DLGAP1: variants seen among roughly 807,000 people sequenced by gnomAD.
DLGAP1 encodes DLG associated protein 1, also known as disks large-associated protein 1.
In DLGAP1, 11 loss-of-function variants were observed where a neutral mutation model predicts 90.8. The ratio of observed to expected loss-of-function variants is 0.12; its 90% CI spans 0.08 to 0.20. The LOEUF (loss-of-function observed/expected upper bound fraction) is 0.20. Among genes scored for constraint, DLGAP1 ranks in the 10% least tolerant of loss-of-function variants. The pLI, the probability that DLGAP1 is intolerant of heterozygous loss-of-function variation, is 1.00. For missense variants in DLGAP1, 1,050 were observed against 1,333.8 expected, an observed-to-expected ratio of 0.79 and a Z score of 3.31; for synonymous variants, 558 against 540.7, an observed-to-expected ratio of 1.03 and a Z score of -0.44.
At chr18:4,232,119 T>C (rs1255527322) in intron 1 of DLGAP1, among the ~76,000 whole-genome samples, 4 of 152,162 alleles carry the variant, frequency 2.6e-5, no homozygotes, top group Admixed American at 6.6e-5. Context: ...TTTACACCTA[T>C]TAATTTTACA....
chr18:4,430,760 G>A (rs1050528619), intron 1 of DLGAP1: 1 of 152,138 alleles, frequency 6.6e-6, no homozygotes, highest in Non-Finnish European at 1.5e-5. Context: ...TGGGGTGAAT[G>A]TAATCCCTGT....
intron 1 of DLGAP1, among the ~76,000 whole-genome samples, chr18:4,238,109 G>C (rs2078457055): frequency 6.6e-6 from 1 of 152,092 alleles, no homozygotes; most frequent in Non-Finnish European, 1.5e-5. Flanking sequence ...CATTTTAGAT[G>C]TCAGATTTTT....
At chr18:4,083,539 T>A (rs2075641857) in intron 2 of DLGAP1, among the ~76,000 whole-genome samples, 1 of 152,196 alleles carries the variant, frequency 6.6e-6, no homozygotes, top group Admixed American at 6.5e-5. Flanking sequence ...CTAATTGGAA[T>A]CATAGTGAAG....
intron 2 of DLGAP1, among the ~76,000 whole-genome samples, chr18:4,103,597 A>C (rs905738534): frequency 6.6e-6 from 1 of 152,138 alleles, no homozygotes; most frequent in Admixed American, 6.5e-5. Context: ...ACACGTTTTG[A>C]ATTAACTGTA....
chr18:4,331,563 C>T (rs1325563397), intron 1 of DLGAP1, among the ~76,000 whole-genome samples: 1 of 151,736 alleles, frequency 6.6e-6, no homozygotes, highest in African/African-American at 2.4e-5. Context: ...AAATACATGG[C>T]ATTATGACCC....
intron 3 of DLGAP1, among the ~76,000 whole-genome samples, chr18:3,997,988 C>T (rs2149066817): frequency 6.6e-6 from 1 of 152,108 alleles, no homozygotes; most frequent in East Asian, 1.9e-4. Context: ...CATCATCAGA[C>T]TGAGGTTCAA....
intron 9 of DLGAP1, among the ~76,000 whole-genome samples, chr18:3,551,726 T>A (rs55873716): frequency 9.3e-4 from 5 of 5,382 alleles, no homozygotes; most frequent in African/African-American, 3.4e-3. Context: ...CTCCCTCCCT[T>A]CCTTCCTTCC....
chr18:4,320,041 T>C (rs576865184), intron 1 of DLGAP1, among the ~76,000 whole-genome samples: 128 of 152,272 alleles, frequency 8.4e-4, no homozygotes, highest in African/African-American at 2.9e-3. Context: ...AATTTAATAA[T>C]CCAATGTTAA....
intron 1 of DLGAP1, among the ~76,000 whole-genome samples, chr18:4,416,315 G>A (rs1391560931): frequency 6.6e-6 from 1 of 152,060 alleles, no homozygotes; most frequent in East Asian, 1.9e-4. Flanking sequence ...CTTATACCAA[G>A]GTCAGATGAT....
At chr18:3,960,005 G>A (rs2073166142) in intron 3 of DLGAP1, among the ~76,000 whole-genome samples, 1 of 152,132 alleles carries the variant, frequency 6.6e-6, no homozygotes, top group Non-Finnish European at 1.5e-5. Context: ...GGAAAGTGAG[G>A]TCTAGCGTCT....
At chr18:4,045,787 CTTTTTTT>C (rs35705949) in intron 2 of DLGAP1, among the ~76,000 whole-genome samples, 1 of 132,184 alleles carries the variant, frequency 7.6e-6, no homozygotes, top group Non-Finnish European at 1.6e-5. Flanking sequence ...ATCTTTAAAA[CTTTTTTT>C]TTTTTTTTTT....
At chr18:4,270,787 AC>A (rs538624715) in intron 1 of DLGAP1, among the ~76,000 whole-genome samples, 54 of 152,300 alleles carry the variant, frequency 3.5e-4, no homozygotes, top group African/African-American at 1.3e-3. Context: ...TCCAAGAACA[AC>A]CTTTTATAGA....
intron 1 of DLGAP1, among the ~76,000 whole-genome samples, chr18:4,202,565 CCAA>C (rs1288747224): frequency 6.6e-6 from 1 of 152,076 alleles, no homozygotes. Flanking sequence ...AGTGATAAAA[CCAA>C]CACATTATGG....
Position 4,394,041 on chromosome 18 carries a change from T to A in DLGAP1, c.-267+60965A>T, listed in dbSNP as rs2082391549. Among the ~76,000 whole-genome samples the A allele has an allele frequency of 2.0e-5, 3 of 152,180 alleles. No individual in the cohort carries two copies. In the South Asian group the frequency reaches 6.2e-4, roughly 32 times the overall value. On this transcript the variant is annotated intron_variant, in intron 1 of 12. Coordinates refer to ENST00000315677, the MANE Select transcript of DLGAP1 (RefSeq NM_004746.4). The stretch of plus-strand genomic sequence containing the variant: ...CTGTCCATGGCAGAGGGGTTGGGGA[T>A]CCCTGCTCTAGAACAACTAATACGT...
chr18:4,190,819 G>A (rs1246581341), intron 1 of DLGAP1, among the ~76,000 whole-genome samples: 1 of 151,912 alleles, frequency 6.6e-6, no homozygotes, highest in Non-Finnish European at 1.5e-5. Context: ...AAGTTCCAAG[G>A]ACTATAATAT....
At chr18:3,672,610 GTTAATGAGAA>G (rs1567938970) in intron 7 of DLGAP1, among the ~76,000 whole-genome samples, 1 of 81,590 alleles carries the variant, frequency 1.2e-5, no homozygotes, top group African/African-American at 6.3e-5. Flanking sequence ...AAAAAAAAAA[GTTAATGAGAA>G]ACAGGTAGAT....
intron 3 of DLGAP1, among the ~76,000 whole-genome samples, chr18:3,959,764 A>C (rs1169030557): frequency 1.3e-5 from 2 of 152,204 alleles, no homozygotes; most frequent in Admixed American, 1.3e-4. Flanking sequence ...AAAAAGAAAA[A>C]AAGTGGTGAA....
chr18:3,633,692 TTAGA>T (rs1437554688), intron 7 of DLGAP1, among the ~76,000 whole-genome samples: 2 of 152,226 alleles, frequency 1.3e-5, no homozygotes, highest in Non-Finnish European at 2.9e-5. Flanking sequence ...TTGTGATTCC[TTAGA>T]TAATGTGCTA....
At chr18:4,193,013 C>G (rs1409822994) in intron 1 of DLGAP1, among the ~76,000 whole-genome samples, 1 of 152,196 alleles carries the variant, frequency 6.6e-6, no homozygotes, top group South Asian at 2.1e-4. Flanking sequence ...GATTTTCATA[C>G]CTTTCTTTAT....
Sources: gnomAD v4.1 joint callset for allele counts (sites outside exome capture counted in the v4.1 genomes callset) on GRCh38, gnomAD v4.1.1 for gene constraint, MANE v1.5 for transcripts, NCBI Gene and HGNC (gene_info 2026-07-23, HGNC 2026-07-21) for gene names.